Variants in CEP131 observed in about 807,000 individuals in gnomAD.
CEP131 encodes the protein centrosomal protein of 131 kDa.
CEP131 carries 99 observed loss-of-function variants against 136.8 expected under a neutral mutation model. The observed-to-expected ratio is 0.72, with a 90% confidence interval of 0.62 to 0.86. The LOEUF is 0.86. Among genes scored for constraint, CEP131 ranks in the 40% least tolerant of loss-of-function variants. The pLI is 0.00. For missense variants in CEP131, 1,459 were observed against 1,463.0 expected (o/e 1.00, Z 0.04); for synonymous variants, 646 against 612.7 (o/e 1.05, Z -0.80).
intron 1 of CEP131, 120 bp from the exon 2 acceptor site, chr17:81,220,193 T>A: frequency 1.2e-6 from 1 of 807,634 alleles, no homozygotes; most frequent in Non-Finnish European, 1.7e-6. Context: ...TGGGAAGGCC[T>A]GTCACAACCT....
rs1201869407 is a variant in CEP131, at chr17:81,215,130, G to A, written c.177+4750C>T. Among the ~76,000 whole-genome samples the A allele has an allele frequency of 6.6e-6, 1 of 151,958 alleles. No individual in the cohort carries two copies. Among genetic ancestry groups the A allele is most frequent in the Non-Finnish European group, 1.5e-5 (1 of 68,008 alleles). ...ATTTTAAAAGATAGAGTCTCACTCT[G>A]TTGCCCAGGCTGGAGAGCAGTGGCA... On this transcript the variant is annotated intron_variant, in intron 2 of 25. Transcript: ENST00000450824. The surrounding 1 kb of genome is among the most constrained non-coding windows in gnomAD (Gnocchi z 4.1).
At chr17:81,212,271 G>A (rs550841005) in intron 2 of CEP131, among the ~76,000 whole-genome samples, 2 of 148,786 alleles carry the variant, frequency 1.3e-5, no homozygotes, top group African/African-American at 4.9e-5. Context: ...GCAGTGAGCC[G>A]AGATTGCGCT....
At position 81,203,411 on chromosome 17, in the gene CEP131, G is replaced by A. The variant is rs1036579107; in HGVS notation, c.629+83C>T. ...TGTGAACTGACCGCGTGCCCTGACCGAGGTCGGACCCCAGGTGCACTGACT... is the reference window on the plus strand; with the variant it reads ...TGTGAACTGACCGCGTGCCCTGACCAAGGTCGGACCCCAGGTGCACTGACT... On this transcript the variant is annotated intron_variant, in intron 6 of 25. Coordinates refer to ENST00000450824, the MANE Select transcript of CEP131 (RefSeq NM_014984.4). This position sits in a 1 kb window ranked among gnomAD's most constrained non-coding sequence, Gnocchi z 4.6. The A allele has an allele frequency of 1.3e-5, 15 of 1,148,640 alleles. No homozygotes were observed. The highest frequency in any genetic ancestry group is 1.2e-4 in the African/African-American group (8 of 65,456). 71.2% of individuals were successfully genotyped at this position (1,148,640 alleles called of 1,614,324 possible).
chr17:81,197,254 G>A, intron 13 of CEP131, 199 bp from the exon 14 acceptor site: 1 of 666,186 alleles, frequency 1.5e-6, no homozygotes, highest in Non-Finnish European at 2.5e-6. Flanking sequence ...TGGGGGCCGT[G>A]GCCTCAGGAA....
At chr17:81,221,352 A>G (rs1598334707) in intron 1 of CEP131, among the ~76,000 whole-genome samples, 1 of 152,190 alleles carries the variant, frequency 6.6e-6, no homozygotes, top group South Asian at 2.1e-4. Flanking sequence ...CCGTCCCCAC[A>G]TGGCACCTCT....
chr17:81,192,685 G>GGGGGGGGGGGCGGGC, intron 19 of CEP131, 51 bp downstream of exon 19: 1 of 478,428 alleles, frequency 2.1e-6, no homozygotes, highest in Non-Finnish European at 4.1e-6. Flanking sequence ...GGGGGGAGGG[G>GGGGGGGGGGGCGGGC]TCAGCCAGCG....
At chr17:81,192,146 G>T (rs987980687) in intron 21 of CEP131, among the ~76,000 whole-genome samples, 172 bp downstream of exon 21, 6 of 152,226 alleles carry the variant, frequency 3.9e-5, no homozygotes, top group Non-Finnish European at 7.4e-5. Context: ...TGGGCTGAAA[G>T]CAACACACTC....
rs2061800249 is a variant in CEP131, at chr17:81,197,900, G to A, written c.1471-12C>T. 4 of 1,608,578 alleles carry A rather than the reference G, an allele frequency of 2.5e-6. No homozygotes were observed. Among genetic ancestry groups the A allele is most frequent in the African/African-American group, 2.7e-5 (2 of 74,900 alleles). On this transcript the variant is annotated splice_polypyrimidine_tract_variant and intron_variant, in intron 12 of 25. Transcript: ENST00000450824. ...CTGGCGTCATCCTCCTGTGGGACAG[G>A]AGCCCAGCATCGGGGGCTGTCAGGG...
chr17:81,220,157 C>T (rs1287807864), intron 1 of CEP131, 84 bp from the exon 2 acceptor site: 37 of 1,184,524 alleles, frequency 3.1e-5, no homozygotes, highest in Non-Finnish European at 1.1e-6. Flanking sequence ...CCAGCCTCAG[C>T]TGGGTCCACT....
intron 10 of CEP131, among the ~76,000 whole-genome samples, 171 bp from the exon 11 acceptor site, chr17:81,199,142 GC>G (rs1466569594): frequency 6.6e-6 from 1 of 152,182 alleles, no homozygotes; most frequent in Non-Finnish European, 1.5e-5. Context: ...GAGGATGAGT[GC>G]CACCCCTCCC....
At position 81,192,806 on chromosome 17, in the gene CEP131, G is replaced by C; in HGVS notation, c.2359C>G (p.Gln787Glu). ...CTGTACAGCCGCTGCCGTTGCTGCT[G>C]CAGCGCCCACTGCTCCTGCTCCAGG... Reference protein sequence around the residue: ...QHLEQEQWALQQQRQRLYSEV... With the variant: ...QHLEQEQWALEQQRQRLYSEV... The change falls in exon 19 of 26, where the codon CAG becomes GAG. Residue 787 changes from glutamine to glutamate, a missense_variant. Gln to Glu is a conservative substitution (Grantham distance 29, BLOSUM62 2). Transcript: ENST00000450824. 1.3e-6 allele frequency: 2 copies of C among 1,598,786 alleles called. No individual in the cohort carries two copies. The highest frequency in any genetic ancestry group is 1.7e-6 in the Non-Finnish European group (2 of 1,179,340).
At chr17:81,221,057 G>A (rs1031509356) in intron 1 of CEP131, among the ~76,000 whole-genome samples, 1 of 150,016 alleles carries the variant, frequency 6.7e-6, no homozygotes, top group East Asian at 2.0e-4. Context: ...CCTGGTAGGC[G>A]GAGTTTACAG....
At chr17:81,197,425 A>T in intron 13 of CEP131, 1 of 532,942 alleles carries the variant, frequency 1.9e-6, no homozygotes, top group Non-Finnish European at 3.3e-6. Context: ...ATCCACACAT[A>T]TGGGCTCGTG....
rs752907317 is a variant in CEP131, at chr17:81,199,512, G to A, written c.1061C>T (p.Ala354Val). 3.3e-5 allele frequency: 53 copies of A among 1,608,174 alleles called. No individual in the cohort carries two copies. Among genetic ancestry groups the A allele is most frequent in the Admixed American group, 5.0e-5 (3 of 59,548 alleles). Residue 354 changes from alanine (A) to valine (V), a missense_variant, in exon 10 of 26, where the codon GCG becomes GTG. Transcript: ENST00000450824. ...QQKRALRAQK[A>V]STAERGPPEN... ...AGGTGGCCCACGCTCGGCAGTGCTC[G>A]CCTTCTGGGCTCTCAGGGCTCGTTT... is the stretch of plus-strand genomic sequence containing the variant.
At chr17:81,210,759 C>G (rs1456699647) in intron 2 of CEP131, among the ~76,000 whole-genome samples, 2 of 150,262 alleles carry the variant, frequency 1.3e-5, no homozygotes, top group East Asian at 4.0e-4. Flanking sequence ...GAAAAGAGAC[C>G]TATGAACTTT....
intron 2 of CEP131, among the ~76,000 whole-genome samples, chr17:81,211,934 G>GAAA (rs149683349): frequency 8.7e-6 from 1 of 115,130 alleles, no homozygotes; most frequent in Non-Finnish European, 1.8e-5. Context: ...CCCTGTCTCT[G>GAAA]AAAAAAAAAA....
At chr17:81,213,258 T>A (rs187290716) in intron 2 of CEP131, among the ~76,000 whole-genome samples, 2 of 152,126 alleles carry the variant, frequency 1.3e-5, no homozygotes, top group East Asian at 3.8e-4. Flanking sequence ...TAATAAATGA[T>A]TGAAAAAATT....
rs2061832177 is a variant in CEP131, at chr17:81,199,064, G to A, written c.1193-93C>T. 5 of 1,218,158 alleles carry A rather than the reference G, an allele frequency of 4.1e-6. No individual in the cohort carries two copies. The South Asian group carries it at 7.9e-5, about 19-fold the overall frequency. 75.5% of individuals were successfully genotyped at this position (1,218,158 alleles called of 1,614,324 possible). The stretch of plus-strand genomic sequence containing the variant: ...CCCCGGGAAGGAGCCAGGCATGGGG[G>A]AGGCGGAGGCGACCCCAGAAGCAGA... On this transcript the variant is annotated intron_variant, in intron 10 of 25. Coordinates refer to ENST00000450824, the MANE Select transcript of CEP131 (RefSeq NM_014984.4).
chr17:81,211,805 C>T (rs1175959183), intron 2 of CEP131, among the ~76,000 whole-genome samples: 1 of 151,942 alleles, frequency 6.6e-6, no homozygotes, highest in African/African-American at 2.4e-5. Flanking sequence ...TGGTGGCATG[C>T]ACCTACAGTC....
Sources: gnomAD v4.1 joint callset for allele counts (sites outside exome capture counted in the v4.1 genomes callset) on GRCh38, gnomAD v4.1.1 for gene constraint, Gnocchi (gnomAD v3.1) non-coding constraint, MANE v1.5 for transcripts, NCBI Gene and HGNC (gene_info 2026-07-23, HGNC 2026-07-21) for gene names.